Variants in CSMD2 observed in about 807,000 individuals in gnomAD.
CSMD2 encodes CUB and sushi domain-containing protein 2.
In CSMD2, 130 loss-of-function variants were observed where a neutral mutation model predicts 398.5. The observed-to-expected ratio is 0.33, with a 90% confidence interval of 0.28 to 0.38. The LOEUF is 0.38. Ranked by LOEUF, CSMD2 falls within the 10% of genes least tolerant of loss-of-function variation. The probability of loss-of-function intolerance (pLI) is 1.00; values close to 1 mark genes in which losing one functional copy is unlikely to be tolerated. For synonymous variants in CSMD2, 1,828 were observed against 1,908.5 expected (o/e 0.96, Z 1.10); for missense variants, 3,829 against 4,764.9 (o/e 0.80, Z 5.78).
chr1:33,727,935 G>A (rs1646592764), intron 15 of CSMD2, among the ~76,000 whole-genome samples: 1 of 152,074 alleles, frequency 6.6e-6, no homozygotes, highest in Non-Finnish European at 1.5e-5. Context: ...TTGACTGGGG[G>A]TTGACTCCAC....
intron 33 of CSMD2, 40 bp from the exon 34 acceptor site, chr1:33,625,294 C>A: frequency 6.4e-7 from 1 of 1,563,174 alleles, no homozygotes. Flanking sequence ...CCTCACCCCT[C>A]AGAAACTGGC....
chr1:33,891,394 A>C (rs879208346), intron 5 of CSMD2, among the ~76,000 whole-genome samples: 1 of 150,796 alleles, frequency 6.6e-6, no homozygotes, highest in Non-Finnish European at 1.5e-5. Context: ...AAAAGTCAGG[A>C]AACAACAGGT....
chr1:34,150,618 A>G (rs1336499754), intron 1 of CSMD2, among the ~76,000 whole-genome samples: 1 of 152,126 alleles, frequency 6.6e-6, no homozygotes, highest in East Asian at 1.9e-4. Flanking sequence ...TGAGTGTTCA[A>G]CAAGGGACAG....
chr1:33,572,957 A>G (rs1450056690), intron 49 of CSMD2, among the ~76,000 whole-genome samples: 1 of 152,176 alleles, frequency 6.6e-6, no homozygotes, highest in Non-Finnish European at 1.5e-5. Flanking sequence ...GGGTGAAACC[A>G]GTTCTCCGCC....
At chr1:33,724,757 G>T in intron 17 of CSMD2, 53 bp from the exon 18 acceptor site, 1 of 1,505,058 alleles carries the variant, frequency 6.6e-7, no homozygotes, top group Non-Finnish European at 9.1e-7. Context: ...ACTACAGAGG[G>T]ACCCCAGTTG....
chr1:33,645,678 G>A (rs1643386597), intron 29 of CSMD2, among the ~76,000 whole-genome samples: 1 of 152,178 alleles, frequency 6.6e-6, no homozygotes, highest in African/African-American at 2.4e-5. Context: ...CATGATATGT[G>A]CCAGGCACTG....
At chr1:34,127,575 C>T (rs972199618) in intron 1 of CSMD2, among the ~76,000 whole-genome samples, 1 of 152,088 alleles carries the variant, frequency 6.6e-6, no homozygotes. Flanking sequence ...GATGGTCTGC[C>T]TGTTCTCAGT....
intron 27 of CSMD2, 70 bp downstream of exon 27, chr1:33,657,876 T>C: frequency 1.4e-6 from 2 of 1,436,466 alleles, no homozygotes; most frequent in Non-Finnish European, 9.6e-7. Context: ...GCAGCTGCTG[T>C]GCATGGAAGG....
chr1:33,936,964 C>T (rs1644500375), intron 3 of CSMD2, among the ~76,000 whole-genome samples: 1 of 152,236 alleles, frequency 6.6e-6, no homozygotes, highest in Admixed American at 6.5e-5. Context: ...TAAGTGCAGA[C>T]TTGGAAGCCA....
At position 33,739,419 on chromosome 1, in the gene CSMD2, G is replaced by A. The variant is rs1488484889; in HGVS notation, c.2174-85C>T. On this transcript the variant is annotated intron_variant, in intron 14 of 70. Transcript: ENST00000373381. The stretch of plus-strand genomic sequence containing the variant: ...AAGAAAATTAGCTTCCTTGGGATGG[G>A]AAACCCTAGAACTCCACCACCTCCC... 6 of 1,311,498 alleles carry A rather than the reference G, an allele frequency of 4.6e-6. No homozygotes were observed. The Admixed American group carries it at 1.1e-4, about 25-fold the overall frequency. The allele number at this position is 1,311,498 out of a possible 1,614,324, so 81.2% of individuals were successfully genotyped here.
intron 6 of CSMD2, among the ~76,000 whole-genome samples, chr1:33,829,607 C>T (rs1378989625): frequency 6.6e-6 from 1 of 152,148 alleles, no homozygotes; most frequent in Non-Finnish European, 1.5e-5. Context: ...TTCTGCATTT[C>T]CATCTGAGGT....
intron 29 of CSMD2, among the ~76,000 whole-genome samples, chr1:33,645,363 ACAC>A (rs1643365750): frequency 6.7e-6 from 1 of 150,276 alleles, no homozygotes; most frequent in Admixed American, 6.6e-5. Flanking sequence ...ACACACACAC[ACAC>A]ACACACACAC....
chr1:34,098,432 T>A (rs927315412), intron 1 of CSMD2, among the ~76,000 whole-genome samples: 4 of 147,736 alleles, frequency 2.7e-5, no homozygotes, highest in East Asian at 4.0e-4. Context: ...AATAAATAAA[T>A]AAATAAATAA....
chr1:33,979,519 T>C (rs958567130), intron 3 of CSMD2, among the ~76,000 whole-genome samples: 2 of 152,190 alleles, frequency 1.3e-5, no homozygotes, highest in Non-Finnish European at 2.9e-5. Flanking sequence ...TTGTCCAGAC[T>C]GGCTGGCAGA....
At chr1:33,695,383 G>A (rs1190126291) in intron 24 of CSMD2, among the ~76,000 whole-genome samples, 1 of 152,170 alleles carries the variant, frequency 6.6e-6, no homozygotes, top group Non-Finnish European at 1.5e-5. Context: ...GTTAGGAGGA[G>A]TCACTGTGGT....
intron 40 of CSMD2, 54 bp from the exon 41 acceptor site, chr1:33,611,304 G>A: frequency 6.8e-7 from 1 of 1,477,134 alleles, no homozygotes; most frequent in South Asian, 1.2e-5. Context: ...CCTGCCTCAA[G>A]TGTGCTGCCT....
At position 33,724,636 on chromosome 1, in the gene CSMD2, C is replaced by A; in HGVS notation, c.2764G>T (p.Asp922Tyr). ...GTCACCAGCGCGCCCACGTAGAAGTCATTCCCATGACGCTGTCCATTTACT... is the reference window on the plus strand; with the variant it reads ...GTCACCAGCGCGCCCACGTAGAAGTAATTCCCATGACGCTGTCCATTTACT... ...IPVNGQRHGN[D>Y]FYVGALVTFS... Residue 922 changes from aspartate (D) to tyrosine (Y), a missense_variant, in exon 18 of 71, where the codon GAC becomes TAC. Asp to Tyr is a radical substitution (Grantham distance 160). This residue lies in a region of CSMD2 where 2,001 missense variants were observed against 2,567.1 expected (regional missense o/e 0.78). Transcript: ENST00000373381. 6.2e-7 allele frequency: 1 copy of A among 1,614,202 alleles called. No homozygotes were observed. Among genetic ancestry groups the A allele is most frequent in the Non-Finnish European group, 8.5e-7 (1 of 1,180,048 alleles).
chr1:34,094,515 T>A (rs1435527390), intron 1 of CSMD2, among the ~76,000 whole-genome samples: 1 of 152,046 alleles, frequency 6.6e-6, no homozygotes, highest in South Asian at 2.1e-4. Context: ...AGGAAACCCA[T>A]CTCATGTGCA....
intron 1 of CSMD2, among the ~76,000 whole-genome samples, chr1:34,156,553 TTC>T (rs1640822859): frequency 6.6e-6 from 1 of 152,260 alleles, no homozygotes. Context: ...ATAGAACTTA[TTC>T]TGTTTTCTAT....
Sources: allele counts gnomAD v4.1 joint callset (sites outside exome capture counted in the v4.1 genomes callset), GRCh38; gene constraint gnomAD v4.1.1; regional missense constraint gnomAD v4.1.1; transcripts MANE v1.5; gene names NCBI Gene and HGNC (gene_info 2026-07-23, HGNC 2026-07-21).